The following LPIN1 variants were observed in gnomAD, a reference collection of about 807,000 sequenced individuals.
The protein encoded by LPIN1 is phosphatidate phosphatase LPIN1.
In LPIN1, 71 loss-of-function variants were observed where a neutral mutation model predicts 107.5. The ratio of observed to expected loss-of-function variants is 0.66; its 90% CI spans 0.55 to 0.80. The LOEUF is 0.80. LPIN1 is among the 30% of genes least tolerant of loss of function. The probability of loss-of-function intolerance (pLI) is 0.00; values close to 1 mark genes in which losing one functional copy is unlikely to be tolerated. For synonymous variants in LPIN1, 445 were observed against 452.6 expected, an observed-to-expected ratio of 0.98 and a Z score of 0.21; for missense variants, 1,043 against 1,160.6, an observed-to-expected ratio of 0.90 and a Z score of 1.47.
chr2:11,792,217 C>T lies in LPIN1; in HGVS notation c.1806+211C>T, dbSNP rs1008008040. Reference sequence around the variant, plus strand: ...GGAGCCAGCAGCATAGGTGTCACCTCCTGGCTCTGTAACTGTTGGGAGACT... The same window carrying T: ...GGAGCCAGCAGCATAGGTGTCACCTTCTGGCTCTGTAACTGTTGGGAGACT... On this transcript the variant is annotated intron_variant, in intron 13 of 20. Coordinates refer to ENST00000674199, the MANE Select transcript of LPIN1 (RefSeq NM_001349206.2). 3 of 532,358 alleles carry T rather than the reference C, an allele frequency of 5.6e-6. No individual in the cohort carries two copies. The South Asian group carries it at 5.7e-5, about 10-fold the overall frequency. 33.0% of individuals were successfully genotyped at this position (532,358 alleles called of 1,614,324 possible).
chr2:11,720,958 G>A (rs1042152779), upstream of LPIN1, among the ~76,000 whole-genome samples: 3 of 151,954 alleles, frequency 2.0e-5, no homozygotes, highest in African/African-American at 7.3e-5. Context: ...GTCTGCCCAC[G>A]CCCTGCTCTC....
intron 13 of LPIN1, among the ~76,000 whole-genome samples, chr2:11,794,323 G>A (rs1676291498): frequency 6.6e-6 from 1 of 152,166 alleles, no homozygotes; most frequent in African/African-American, 2.4e-5. Flanking sequence ...TAAGTGGAGT[G>A]CCGCTATAAA....
intron 12 of LPIN1, among the ~76,000 whole-genome samples, chr2:11,789,206 A>T (rs553703606): frequency 6.6e-6 from 1 of 152,204 alleles, no homozygotes; most frequent in Non-Finnish European, 1.5e-5. Flanking sequence ...CAGTTCAAAC[A>T]CTTGAGATTC....
chr2:11,754,483 G>T (rs1165389064), intron 1 of LPIN1, among the ~76,000 whole-genome samples: 1 of 152,206 alleles, frequency 6.6e-6, no homozygotes, highest in Non-Finnish European at 1.5e-5. Flanking sequence ...AGTCCTTAAG[G>T]GTTGTAGGGA....
In LPIN1 at chr2:11,707,517, A is replaced by G. The variant is rs1663184166; in HGVS notation, c.82-6239A>G. Among the ~76,000 whole-genome samples the G allele has an allele frequency of 6.6e-6, 1 of 152,190 alleles. No individual in the cohort carries two copies. Among genetic ancestry groups the G allele is most frequent in the Non-Finnish European group, 1.5e-5 (1 of 68,030 alleles). On this transcript the variant is annotated intron_variant, in intron 1 of 21. Coordinates refer to the LPIN1 transcript ENST00000449576. The surrounding 1 kb of genome is among the most constrained non-coding windows in gnomAD (Gnocchi z 4.2). ...TTGAGCTGAGGAGTGGTGTGATCTA[A>G]CATTCCAGAAGGTTCCTGTGGCTGC... is the stretch of plus-strand genomic sequence containing the variant.
In LPIN1 at chr2:11,782,348, C is replaced by G. The variant is rs775105002; in HGVS notation, c.1105C>G (p.Gln369Glu). Residue 369 changes from glutamine to glutamate, a missense_variant, in exon 8 of 21, where the codon CAG becomes GAG. Transcript: ENST00000674199. ...TCTGGTCGGTGGGGCACTTTTGGAC[C>G]AGAACAAGCCTCAGACAGAAATGCA... is the stretch of plus-strand genomic sequence containing the variant. Reference protein sequence around the residue: ...PTLVGGALLDQNKPQTEMQFV... With the variant: ...PTLVGGALLDENKPQTEMQFV... The G allele has an allele frequency of 6.2e-7, 1 of 1,614,128 alleles. No individual in the cohort carries two copies. Among genetic ancestry groups the G allele is most frequent in the Admixed American group, 1.7e-5 (1 of 60,014 alleles).
In LPIN1 at chr2:11,826,476, T is replaced by C. The variant is rs986252575; in HGVS notation, c.*1685T>C. On this transcript the variant is annotated 3_prime_UTR_variant, in exon 21 of 21. Transcript: ENST00000674199. ...TTGCAGTGAGCCGAGCTTGCACTAC[T>C]GCACTCCAGCCTGGGTGACAGAGTA... The C allele has an allele frequency of 1.5e-5, 2 of 133,776 alleles. No homozygotes were observed. Among genetic ancestry groups the C allele is most frequent in the Non-Finnish European group, 3.0e-5 (2 of 65,996 alleles). 8.3% of individuals were successfully genotyped at this position (133,776 alleles called of 1,614,324 possible). A position where few individuals can be genotyped will look rare whatever the true frequency, so the allele number is the denominator to read the frequency against.
At chr2:11,773,260 G>A (rs61239977) in intron 4 of LPIN1, among the ~76,000 whole-genome samples, 32,897 of 152,056 alleles carry the variant, frequency 0.22, 3,898 homozygotes, top group African/African-American at 0.29. Flanking sequence ...GTTTTATACC[G>A]CCCTGGGGCC....
chr2:11,698,942 A>G (rs1234628488), intron 1 of LPIN1, among the ~76,000 whole-genome samples: 1 of 152,260 alleles, frequency 6.6e-6, no homozygotes, highest in Non-Finnish European at 1.5e-5. Flanking sequence ...TATGGAGGCC[A>G]TGAATCAAGC....
At chr2:11,809,086 G>C (rs781248242) in intron 17 of LPIN1, among the ~76,000 whole-genome samples, 7 of 149,172 alleles carry the variant, frequency 4.7e-5, no homozygotes, top group Non-Finnish European at 8.8e-5. Flanking sequence ...TGATGAAACA[G>C]AACAAATGCA....
intron 1 of LPIN1, among the ~76,000 whole-genome samples, chr2:11,754,489 A>G (rs946150435): frequency 6.6e-6 from 1 of 152,220 alleles, no homozygotes; most frequent in Admixed American, 6.5e-5. Context: ...TAAGGGTTGT[A>G]GGGAAGGTTT....
intron 2 of LPIN1, among the ~76,000 whole-genome samples, chr2:11,715,652 T>TG (rs1663686380): frequency 6.6e-6 from 1 of 151,776 alleles, no homozygotes; most frequent in Admixed American, 6.6e-5. Flanking sequence ...CTTGTGTGGG[T>TG]GGGGGGTTCA....
intron 1 of LPIN1, among the ~76,000 whole-genome samples, chr2:11,756,016 T>C (rs1254179941): frequency 1.3e-5 from 2 of 152,166 alleles, no homozygotes; most frequent in Admixed American, 6.5e-5. Flanking sequence ...CCACCACGCC[T>C]GGCCACTTAG....
chr2:11,787,396 T>C (rs930898167), intron 11 of LPIN1, among the ~76,000 whole-genome samples: 1 of 113,968 alleles, frequency 8.8e-6, no homozygotes, highest in Non-Finnish European at 1.8e-5. Flanking sequence ...TCTTTTCTTT[T>C]TCTTTTTTTT....
Position 11,786,751 on chromosome 2 carries a change from A to T in LPIN1, c.1550-323A>T, listed in dbSNP as rs1212402423. ...GCCGAGGGAGCCTGGCTTCTGCGCC[A>T]TGCGTAGCCATGACTCTGCCTGTGC... On this transcript the variant is annotated intron_variant, in intron 10 of 20. Transcript: ENST00000674199. The surrounding 1 kb of genome is among the most constrained non-coding windows in gnomAD (Gnocchi z 4.1). Among the ~76,000 whole-genome samples the T allele has an allele frequency of 6.6e-6, 1 of 152,146 alleles. No individual in the cohort carries two copies. Among genetic ancestry groups the T allele is most frequent in the Non-Finnish European group, 1.5e-5 (1 of 68,020 alleles).
At chr2:11,712,508 C>A (rs1347935180) in intron 1 of LPIN1, among the ~76,000 whole-genome samples, 1 of 152,208 alleles carries the variant, frequency 6.6e-6, no homozygotes, top group East Asian at 1.9e-4. Context: ...AGATTTGCAT[C>A]TCATTTGTTG....
At chr2:11,808,169 T>C (rs1679038965) in intron 17 of LPIN1, among the ~76,000 whole-genome samples, 1 of 152,226 alleles carries the variant, frequency 6.6e-6, no homozygotes, top group African/African-American at 2.4e-5. Context: ...CCGGACTTGC[T>C]GGACTCTATG....
chr2:11,796,274 C>T (rs1283815185), intron 14 of LPIN1, among the ~76,000 whole-genome samples: 2 of 152,184 alleles, frequency 1.3e-5, no homozygotes, highest in African/African-American at 2.4e-5. Flanking sequence ...ACAGAGTAGT[C>T]GTTTCCAAAG....
In LPIN1 at chr2:11,795,240, C is replaced by T. The variant is rs545361868; in HGVS notation, c.1807-168C>T. ...TAGCAAAGTTGAGATCAGGACCCAC[C>T]GAAACAAACACAGCCAGAGCCTCCT... On this transcript the variant is annotated intron_variant, in intron 13 of 20. Coordinates refer to ENST00000674199, the MANE Select transcript of LPIN1 (RefSeq NM_001349206.2). Among the ~76,000 whole-genome samples, 10 of 152,230 alleles carry T rather than the reference C, an allele frequency of 6.6e-5. No individual in the cohort carries two copies. In the East Asian group the frequency reaches 1.4e-3, roughly 21 times the overall value.
Sources: allele counts gnomAD v4.1 joint callset (sites outside exome capture counted in the v4.1 genomes callset), GRCh38; gene constraint gnomAD v4.1.1; non-coding constraint Gnocchi (gnomAD v3.1); transcripts MANE v1.5; gene names NCBI Gene and HGNC (gene_info 2026-07-23, HGNC 2026-07-21).